RALYL: variants seen among roughly 807,000 people sequenced by gnomAD.
RALYL encodes RALY RNA binding protein like.
In RALYL, 29 loss-of-function variants were observed where a neutral mutation model predicts 35.1. That is an observed-to-expected ratio of 0.83 (90% confidence interval 0.61 to 1.13). The LOEUF is 1.13. Among genes scored for constraint, RALYL ranks in the 50% most tolerant of loss-of-function variants. The pLI, the probability that RALYL is intolerant of heterozygous loss-of-function variation, is 0.00. For synonymous variants in RALYL, 120 were observed against 127.6 expected (o/e 0.94, Z 0.40); for missense variants, 359 against 360.4 (o/e 1.00, Z 0.03).
At chr8:84,233,546 G>A (rs1459222449) in intron 1 of RALYL, among the ~76,000 whole-genome samples, 1 of 152,102 alleles carries the variant, frequency 6.6e-6, no homozygotes, top group Non-Finnish European at 1.5e-5. Flanking sequence ...ATTTGAGATA[G>A]CAGAAAGCAA....
At chr8:84,663,908 G>T (rs901710319) in intron 2 of RALYL, among the ~76,000 whole-genome samples, 12 of 152,102 alleles carry the variant, frequency 7.9e-5, no homozygotes, top group Non-Finnish European at 7.4e-5. Context: ...TGTCCTGAAT[G>T]CTACTGCATA....
At chr8:84,604,869 A>G (rs986636281) in intron 2 of RALYL, among the ~76,000 whole-genome samples, 4 of 152,154 alleles carry the variant, frequency 2.6e-5, no homozygotes, top group African/African-American at 9.7e-5. Context: ...TGAGTGCAAC[A>G]AATGTATAAA....
intron 2 of RALYL, among the ~76,000 whole-genome samples, chr8:84,638,057 G>A (rs1825445989): frequency 6.6e-6 from 1 of 151,758 alleles, no homozygotes; most frequent in Non-Finnish European, 1.5e-5. Context: ...CCATATGACA[G>A]GCCACAAAAC....
At chr8:84,777,808 A>AT (rs1276237434) in intron 3 of RALYL, among the ~76,000 whole-genome samples, 2 of 151,660 alleles carry the variant, frequency 1.3e-5, no homozygotes, top group African/African-American at 2.4e-5. Flanking sequence ...CACCTGGCTA[A>AT]TTTTTTGTAT....
At chr8:84,429,655 A>T (rs1024993234) in intron 1 of RALYL, among the ~76,000 whole-genome samples, 2 of 152,092 alleles carry the variant, frequency 1.3e-5, no homozygotes, top group African/African-American at 4.8e-5. Flanking sequence ...CCAAACTTTC[A>T]TGTTAATAGA....
chr8:84,649,601 C>A (rs926485795), intron 2 of RALYL, among the ~76,000 whole-genome samples: 2 of 151,924 alleles, frequency 1.3e-5, no homozygotes, highest in Admixed American at 6.6e-5. Context: ...AGATATGCGG[C>A]GTTATTTCTG....
At chr8:84,275,166 C>G (rs927595243) in intron 1 of RALYL, among the ~76,000 whole-genome samples, 9 of 152,142 alleles carry the variant, frequency 5.9e-5, no homozygotes, top group Admixed American at 4.6e-4. Flanking sequence ...ACAAGTATAA[C>G]AAACACAGAC....
intron 1 of RALYL, among the ~76,000 whole-genome samples, chr8:84,428,094 TCTCTCTCTCTCTCACA>T (rs936398800): frequency 2.3e-5 from 3 of 132,962 alleles, no homozygotes; most frequent in African/African-American, 8.5e-5. Flanking sequence ...TCTCTCTCTC[TCTCTCTCTCTCTCACA>T]CACACACACA....
chr8:84,873,077 A>C (rs751122785), intron 6 of RALYL: 32 of 412,352 alleles, frequency 7.8e-5, no homozygotes, highest in Admixed American at 2.2e-4. Context: ...TTAAACGCTC[A>C]TGTCACTGAG....
intron 2 of RALYL, among the ~76,000 whole-genome samples, chr8:84,609,693 C>G (rs76885815): frequency 0.01 from 1,564 of 152,224 alleles, 33 homozygotes; most frequent in African/African-American, 0.035. Flanking sequence ...ACAGTTTCTT[C>G]TATTATTAGC....
intron 1 of RALYL, among the ~76,000 whole-genome samples, chr8:84,239,158 G>A (rs1464398096): frequency 1.3e-5 from 2 of 152,236 alleles, no homozygotes; most frequent in East Asian, 1.9e-4. Flanking sequence ...CCATTCCATG[G>A]TTAGTAGGTA....
chr8:84,852,377 A>C (rs1389708916), intron 5 of RALYL, among the ~76,000 whole-genome samples: 1 of 152,182 alleles, frequency 6.6e-6, no homozygotes, highest in Non-Finnish European at 1.5e-5. Flanking sequence ...AACTTATTCT[A>C]AAAGTGATGC....
At chr8:84,752,528 A>G (rs1007023163) in intron 2 of RALYL, among the ~76,000 whole-genome samples, 1 of 152,146 alleles carries the variant, frequency 6.6e-6, no homozygotes, top group African/African-American at 2.4e-5. Context: ...AGACAATGGG[A>G]AAAAGGCCTC....
At chr8:84,841,494 C>T (rs1833333657) in intron 4 of RALYL, among the ~76,000 whole-genome samples, 1 of 152,172 alleles carries the variant, frequency 6.6e-6, no homozygotes, top group African/African-American at 2.4e-5. Flanking sequence ...TACAAAGAGA[C>T]TTAGACTCCA....
intron 1 of RALYL, among the ~76,000 whole-genome samples, chr8:84,286,143 G>A (rs538416771): frequency 1.8e-4 from 28 of 152,136 alleles, no homozygotes; most frequent in African/African-American, 6.7e-4. Context: ...AGGATGACTT[G>A]AATGTTTTTT....
chr8:84,315,918 G>C (rs1563721440), intron 1 of RALYL, among the ~76,000 whole-genome samples: 1 of 151,720 alleles, frequency 6.6e-6, no homozygotes, highest in Admixed American at 6.6e-5. Context: ...AGGTTGCTTT[G>C]GTAATAACAA....
intron 8 of RALYL, among the ~76,000 whole-genome samples, chr8:84,911,541 G>C (rs1308232628): frequency 1.3e-5 from 2 of 152,098 alleles, no homozygotes; most frequent in African/African-American, 4.8e-5. Context: ...TGGTAGAGGG[G>C]TTTCCCCACA....
At chr8:84,640,684 G>A (rs557067117) in intron 2 of RALYL, among the ~76,000 whole-genome samples, 14 of 151,892 alleles carry the variant, frequency 9.2e-5, no homozygotes, top group Non-Finnish European at 1.8e-4. Context: ...AGAAGCTGAT[G>A]AAAAAGCTGA....
chr8:84,468,809 A>G (rs1196893293), intron 1 of RALYL, among the ~76,000 whole-genome samples: 1 of 152,062 alleles, frequency 6.6e-6, no homozygotes, highest in Non-Finnish European at 1.5e-5. Flanking sequence ...GTCTTTTCAC[A>G]TAGTCCCGTA....
Sources: gnomAD v4.1 joint callset for allele counts (sites outside exome capture counted in the v4.1 genomes callset) on GRCh38, gnomAD v4.1.1 for gene constraint, MANE v1.5 for transcripts, NCBI Gene and HGNC (gene_info 2026-07-23, HGNC 2026-07-21) for gene names.